The following SENP7 variants were observed in gnomAD, a reference collection of about 807,000 sequenced individuals.
SENP7 encodes the protein sentrin-specific protease 7.
SENP7 carries 64 observed loss-of-function variants against 141.2 expected under a neutral mutation model. The ratio of observed to expected loss-of-function variants is 0.45; its 90% CI spans 0.37 to 0.56. SENP7 has a LOEUF of 0.56. Among genes scored for constraint, SENP7 ranks in the 20% least tolerant of loss-of-function variants. The pLI is 0.00. For missense variants in SENP7, 1,025 were observed against 1,212.2 expected (o/e 0.85, Z 2.29); for synonymous variants, 382 against 426.4 (o/e 0.90, Z 1.28).
intron 12 of SENP7, 67 bp downstream of exon 12, chr3:101,351,551 A>C: frequency 8.5e-7 from 1 of 1,178,238 alleles, no homozygotes; most frequent in Non-Finnish European, 1.1e-6. Flanking sequence ...TATTAAACTT[A>C]GTTTTACTTA....
chr3:101,326,003 T>C lies in SENP7; in HGVS notation c.3093A>G (p.Glu1031=). 1 of 1,611,324 alleles carries C rather than the reference T, an allele frequency of 6.2e-7. No individual in the cohort carries two copies. The highest frequency in any genetic ancestry group is 8.5e-7 in the Non-Finnish European group (1 of 1,178,520). ...GTTTCAAGATGAGCTCTCGAATATC[T>C]TCCCGTTTGGTCTTTATTACATGAC... The part of the protein sequence containing the change: ...FPRHVIKTKR[E]DIRELILKLH... The change falls in exon 24 of 24, where the codon GAA becomes GAG. Residue 1031 remains glutamate, a synonymous_variant. Coordinates refer to ENST00000394095, the MANE Select transcript of SENP7 (RefSeq NM_020654.5).
chr3:101,403,937 G>A (rs1222943536), intron 5 of SENP7, among the ~76,000 whole-genome samples: 1 of 151,854 alleles, frequency 6.6e-6, no homozygotes, highest in African/African-American at 2.4e-5. Context: ...ACAAACAAAT[G>A]GAAAAACATC....
intron 13 of SENP7, 44 bp from the exon 14 acceptor site, chr3:101,343,998 A>C: frequency 1.6e-6 from 2 of 1,241,538 alleles, no homozygotes; most frequent in Non-Finnish European, 2.2e-6. Context: ...ATTATTTTTC[A>C]AGAGGATTAT....
chr3:101,466,266 G>C (rs1224924818), intron 3 of SENP7, among the ~76,000 whole-genome samples: 1 of 152,066 alleles, frequency 6.6e-6, no homozygotes, highest in Non-Finnish European at 1.5e-5. Flanking sequence ...AGATACAGGA[G>C]TACAAAATTC....
rs759205748 is a variant in SENP7, at chr3:101,367,941, A to G, written c.867T>C (p.Ser289=). Residue 289 remains serine, a synonymous_variant, in exon 8 of 24, where the codon TCT becomes TCC. Transcript: ENST00000394095. The stretch of plus-strand genomic sequence containing the variant: ...TCAGAGTGAGTTCCACTTTTGAATC[A>G]GAATATTTAACATCCTTGTTTCTGC... The part of the protein sequence containing the change: ...QESRNKDVKY[S]DSKVELTLIS... 1 of 1,612,984 alleles carries G rather than the reference A, an allele frequency of 6.2e-7. No individual in the cohort carries two copies. Among genetic ancestry groups the G allele is most frequent in the Admixed American group, 1.7e-5 (1 of 59,994 alleles).
intron 3 of SENP7, among the ~76,000 whole-genome samples, chr3:101,490,804 A>T (rs1017149001): frequency 3.3e-5 from 5 of 152,176 alleles, no homozygotes; most frequent in African/African-American, 9.7e-5. Flanking sequence ...CAACAACAAA[A>T]AAGTTGAGTA....
At chr3:101,358,070 A>G (rs2059791569) in intron 11 of SENP7, 2 of 621,584 alleles carry the variant, frequency 3.2e-6, no homozygotes, top group Non-Finnish European at 5.1e-6. Context: ...TAAACATGAG[A>G]TAATTCATAG....
intron 4 of SENP7, among the ~76,000 whole-genome samples, chr3:101,450,052 G>A (rs960667011): frequency 2.0e-5 from 3 of 152,032 alleles, no homozygotes; most frequent in East Asian, 3.8e-4. Context: ...AAAAGGCAGG[G>A]GTTGCAATCC....
At chr3:101,426,705 C>T (rs1031362276) in intron 4 of SENP7, among the ~76,000 whole-genome samples, 8 of 152,054 alleles carry the variant, frequency 5.3e-5, no homozygotes, top group African/African-American at 1.5e-4. Context: ...TGATCTTGAA[C>T]GCCAGACCTC....
At chr3:101,468,717 A>C (rs566909483) in intron 3 of SENP7, among the ~76,000 whole-genome samples, 3 of 152,326 alleles carry the variant, frequency 2.0e-5, no homozygotes, top group African/African-American at 7.2e-5. Flanking sequence ...AGCACTAAAC[A>C]TGGAAAGAAA....
intron 3 of SENP7, among the ~76,000 whole-genome samples, chr3:101,492,592 T>C (rs1283175139): frequency 1.3e-5 from 2 of 152,024 alleles, no homozygotes; most frequent in African/African-American, 4.8e-5. Flanking sequence ...AGGACTAATG[T>C]CCTTATAAGA....
rs566942475 is a variant in SENP7 at position 101,363,816 on chromosome 3, A to G, written c.1476+1018T>C. ...AACTCTTCACCATACTCTGCAAAAT[A>G]ACAGCCTCTGACATTATTCAAAAAC... On this transcript the variant is annotated intron_variant, in intron 10 of 23. Coordinates refer to ENST00000394095, the MANE Select transcript of SENP7 (RefSeq NM_020654.5). Among the ~76,000 whole-genome samples, 10 of 152,344 alleles carry G rather than the reference A, an allele frequency of 6.6e-5. No homozygotes were observed. The East Asian group carries it at 1.9e-3, about 29-fold the overall frequency.
chr3:101,382,948 TGA>T (rs1185380059), intron 6 of SENP7, among the ~76,000 whole-genome samples: 7 of 152,222 alleles, frequency 4.6e-5, no homozygotes, highest in Non-Finnish European at 5.9e-5. Context: ...ATACCTTTAA[TGA>T]GAGTTTTTAA....
rs370006885 is a variant in SENP7 at position 101,359,839 on chromosome 3, A to C, written c.1623+1876T>G. On this transcript the variant is annotated intron_variant, in intron 11 of 23. Transcript: ENST00000394095. ...TATGTGTTTGTAATATTGTTCCTTT[A>C]CTAATTTGTTTGTGGTTTTTTGCTT... Among the ~76,000 whole-genome samples, 6 of 152,126 alleles carry C rather than the reference A, an allele frequency of 3.9e-5. No homozygotes were observed. In the East Asian group the frequency reaches 1.2e-3, roughly 29 times the overall value.
intron 4 of SENP7, among the ~76,000 whole-genome samples, chr3:101,428,962 G>A (rs561168907): frequency 8.5e-5 from 13 of 152,270 alleles, no homozygotes; most frequent in African/African-American, 2.4e-4. Context: ...TTTCCCCATT[G>A]CTTGTTTTTG....
intron 6 of SENP7, among the ~76,000 whole-genome samples, chr3:101,393,274 T>C (rs2060866804): frequency 6.6e-6 from 1 of 152,146 alleles, no homozygotes; most frequent in Admixed American, 6.6e-5. Context: ...GACATTGGTC[T>C]GAGCAATGAT....
intron 6 of SENP7, among the ~76,000 whole-genome samples, chr3:101,392,307 A>G (rs951387561): frequency 2.0e-5 from 3 of 152,224 alleles, no homozygotes; most frequent in African/African-American, 7.2e-5. Flanking sequence ...ATGACCATAC[A>G]TATAGAAAAA....
chr3:101,426,036 T>C (rs1001674977), intron 4 of SENP7, among the ~76,000 whole-genome samples: 6 of 152,106 alleles, frequency 3.9e-5, no homozygotes, highest in Non-Finnish European at 7.4e-5. Flanking sequence ...TACAACTCAC[T>C]AGTGTACCTG....
chr3:101,422,330 CTTT>C (rs1452987310), intron 4 of SENP7, among the ~76,000 whole-genome samples: 1 of 152,094 alleles, frequency 6.6e-6, no homozygotes, highest in Non-Finnish European at 1.5e-5. Flanking sequence ...GGGACTGCTG[CTTT>C]AAAGGGTTAT....
Sources: gnomAD v4.1 joint callset for allele counts (sites outside exome capture counted in the v4.1 genomes callset) on GRCh38, gnomAD v4.1.1 for gene constraint, MANE v1.5 for transcripts, NCBI Gene and HGNC (gene_info 2026-07-23, HGNC 2026-07-21) for gene names.